ST6GALNAC3: variants seen among roughly 807,000 people sequenced by gnomAD.
The protein encoded by ST6GALNAC3 is ST6 N-acetylgalactosaminide alpha-2,6-sialyltransferase 3.
A neutral mutation model predicts 32.7 loss-of-function variants in ST6GALNAC3; 25 were observed. The ratio of observed to expected loss-of-function variants is 0.76; its 90% confidence interval spans 0.56 to 1.07. The LOEUF is 1.07. Among genes scored for constraint, ST6GALNAC3 ranks in the 50% least tolerant of loss-of-function variants. ST6GALNAC3 has a pLI of 0.00. For synonymous variants in ST6GALNAC3, 129 were observed against 133.1 expected (o/e 0.97, Z 0.21); for missense variants, 355 against 382.4 (o/e 0.93, Z 0.60).
chr1:76,261,708 G>T (rs969444573), intron 1 of ST6GALNAC3, among the ~76,000 whole-genome samples: 4 of 152,202 alleles, frequency 2.6e-5, no homozygotes, highest in African/African-American at 9.6e-5. Flanking sequence ...CAACTGCATT[G>T]CTGGAACCCA....
At chr1:76,465,224 C>T (rs1391287494) in intron 3 of ST6GALNAC3, among the ~76,000 whole-genome samples, 1 of 152,140 alleles carries the variant, frequency 6.6e-6, no homozygotes, top group Non-Finnish European at 1.5e-5. Context: ...CCCAATTAAC[C>T]TTTCTTCTGA....
chr1:76,634,686 T>C (rs1212757569), downstream of ST6GALNAC3: 1 of 30,688 alleles, frequency 3.3e-5, no homozygotes, highest in Non-Finnish European at 7.0e-5. Flanking sequence ...CGGTATGGGA[T>C]TTTTTTTTTT....
intron 3 of ST6GALNAC3, among the ~76,000 whole-genome samples, chr1:76,570,095 T>C (rs1570312979): frequency 6.6e-6 from 1 of 152,148 alleles, no homozygotes; most frequent in African/African-American, 2.4e-5. Context: ...CTCTGAACTA[T>C]GGAAATAATG....
chr1:76,474,529 T>G (rs1659227496), intron 3 of ST6GALNAC3, among the ~76,000 whole-genome samples: 1 of 152,100 alleles, frequency 6.6e-6, no homozygotes, highest in African/African-American at 2.4e-5. Flanking sequence ...CAATTGGCAG[T>G]TGTTATTTCT....
intron 1 of ST6GALNAC3, chr1:76,313,584 G>A: frequency 1.5e-6 from 1 of 659,870 alleles, no homozygotes; most frequent in South Asian, 1.6e-5. Context: ...AGATGCAATG[G>A]AAGAGTTCAA....
intron 2 of ST6GALNAC3, among the ~76,000 whole-genome samples, chr1:76,378,507 C>CTA (rs1276121572): frequency 6.6e-6 from 1 of 151,872 alleles, no homozygotes; most frequent in African/African-American, 2.4e-5. Flanking sequence ...AATAAATATA[C>CTA]AAAAATTAGC....
At chr1:76,542,797 A>G (rs2100299306) in intron 3 of ST6GALNAC3, among the ~76,000 whole-genome samples, 1 of 152,356 alleles carries the variant, frequency 6.6e-6, no homozygotes, top group Non-Finnish European at 1.5e-5. Context: ...GAGACTCATT[A>G]CGGACAATGG....
At chr1:76,162,502 T>G (rs1468061867) in intron 1 of ST6GALNAC3, among the ~76,000 whole-genome samples, 1 of 152,330 alleles carries the variant, frequency 6.6e-6, no homozygotes, top group East Asian at 1.9e-4. Context: ...GTTAATTAGC[T>G]ATTTTAAGCC....
intron 3 of ST6GALNAC3, among the ~76,000 whole-genome samples, chr1:76,591,165 AC>A (rs1647041546): frequency 6.6e-6 from 1 of 150,754 alleles, no homozygotes; most frequent in Admixed American, 6.6e-5. Flanking sequence ...GTAAGAGTTA[AC>A]CAGGCTGTGT....
intron 1 of ST6GALNAC3, among the ~76,000 whole-genome samples, chr1:76,294,495 G>A (rs1400480492): frequency 6.6e-6 from 1 of 152,062 alleles, no homozygotes; most frequent in Non-Finnish European, 1.5e-5. Context: ...ATTGAACATA[G>A]TGGTAGGCTT....
chr1:76,379,405 C>T (rs952808014), intron 2 of ST6GALNAC3, among the ~76,000 whole-genome samples: 7 of 152,178 alleles, frequency 4.6e-5, no homozygotes, highest in Admixed American at 6.5e-5. Context: ...CTTTTAACCT[C>T]ATCTCCCATT....
rs182284933 is a variant in ST6GALNAC3, at chr1:76,097,349, G to A, written c.18+22465G>A. 8.5e-3 allele frequency among the ~76,000 whole-genome samples: 1,290 copies of A among 152,212 alleles called. 14 individuals carry two copies. The highest frequency in any genetic ancestry group is 0.014 in the Non-Finnish European group (956 of 68,010). Reference sequence around the variant, plus strand: ...CTGGTGGGAGGTGATTAAATCATGGGGGTGGTTACCTCCATGCTGTTCTCG... The same window carrying A: ...CTGGTGGGAGGTGATTAAATCATGGAGGTGGTTACCTCCATGCTGTTCTCG... On this transcript the variant is annotated intron_variant, in intron 1 of 4. Transcript: ENST00000328299.
intron 3 of ST6GALNAC3, among the ~76,000 whole-genome samples, chr1:76,555,416 T>A (rs2100391889): frequency 1.3e-5 from 2 of 152,246 alleles, no homozygotes; most frequent in Non-Finnish European, 2.9e-5. Flanking sequence ...CTCCTTCTCT[T>A]AAAGGATTCT....
At chr1:76,602,326 TGTGTGC>T (rs1318828354) in intron 3 of ST6GALNAC3, among the ~76,000 whole-genome samples, 1 of 151,896 alleles carries the variant, frequency 6.6e-6, no homozygotes. Context: ...CGCACGTGTG[TGTGTGC>T]GTGTGCATGT....
chr1:76,207,237 A>G (rs573390041), intron 1 of ST6GALNAC3, among the ~76,000 whole-genome samples: 1 of 152,296 alleles, frequency 6.6e-6, no homozygotes, highest in African/African-American at 2.4e-5. Context: ...ATTAAGTGGG[A>G]TTTGAGCTCT....
intron 1 of ST6GALNAC3, among the ~76,000 whole-genome samples, chr1:76,083,256 T>C (rs1389622482): frequency 6.6e-6 from 1 of 152,256 alleles, no homozygotes; most frequent in Non-Finnish European, 1.5e-5. Context: ...AATGAGCAAA[T>C]GACTGTCGTG....
At position 76,193,189 on chromosome 1, in the gene ST6GALNAC3, C is replaced by A. The variant is rs377761567; in HGVS notation, c.18+118305C>A. Among the ~76,000 whole-genome samples, 39 of 152,252 alleles carry A rather than the reference C, an allele frequency of 2.6e-4. No homozygotes were observed. In the East Asian group the frequency reaches 5.8e-3, roughly 23 times the overall value. On this transcript the variant is annotated intron_variant, in intron 1 of 4. Transcript: ENST00000328299. ...CACAAAGGAAAAAATATGGCCTCTT[C>A]TTTTTAGGAGTCTAGATCCCACTTT...
chr1:76,219,875 A>AG (rs1655670018), intron 1 of ST6GALNAC3, among the ~76,000 whole-genome samples: 1 of 152,094 alleles, frequency 6.6e-6, no homozygotes, highest in African/African-American at 2.4e-5. Flanking sequence ...TCTAGACCCG[A>AG]GGGGAGCGGT....
chr1:76,560,971 A>G (rs1431521887), intron 3 of ST6GALNAC3, among the ~76,000 whole-genome samples: 1 of 152,236 alleles, frequency 6.6e-6, no homozygotes, highest in Non-Finnish European at 1.5e-5. Context: ...AGATGAATGG[A>G]TAAAGAAAAT....
Sources: allele counts gnomAD v4.1 joint callset (sites outside exome capture counted in the v4.1 genomes callset), GRCh38; gene constraint gnomAD v4.1.1; transcripts MANE v1.5; gene names NCBI Gene and HGNC (gene_info 2026-07-23, HGNC 2026-07-21).